Variants in SCAI observed in about 807,000 individuals in gnomAD.
SCAI encodes the protein suppressor of cancer cell invasion.
A neutral mutation model predicts 92.2 loss-of-function variants in SCAI; 24 were observed. The observed-to-expected ratio is 0.26, with a 90% CI of 0.19 to 0.37. The LOEUF (loss-of-function observed/expected upper bound fraction) is 0.37, where lower values mean the gene tolerates loss of function less well. Ranked by LOEUF, SCAI falls within the 10% of genes least tolerant of loss-of-function variation. The probability of loss-of-function intolerance (pLI) is 1.00; values close to 1 mark genes in which losing one functional copy is unlikely to be tolerated. For missense variants in SCAI, 450 were observed against 736.2 expected, an observed-to-expected ratio of 0.61 and a Z score of 4.50; for synonymous variants, 261 against 258.6, an observed-to-expected ratio of 1.01 and a Z score of -0.09.
chr9:124,972,772 T>G (rs1461579943), intron 15 of SCAI, among the ~76,000 whole-genome samples: 2 of 152,182 alleles, frequency 1.3e-5, no homozygotes, highest in African/African-American at 4.8e-5. Flanking sequence ...CTGCCTTCCC[T>G]CCCCACACCT....
At chr9:125,080,673 C>T (rs1336568065) in intron 2 of SCAI, among the ~76,000 whole-genome samples, 1 of 152,148 alleles carries the variant, frequency 6.6e-6, no homozygotes, top group Non-Finnish European at 1.5e-5. Context: ...ATATTATTTA[C>T]CCCTCATAAA....
At chr9:124,984,689 T>C (rs1831953412) in intron 14 of SCAI, among the ~76,000 whole-genome samples, 1 of 152,210 alleles carries the variant, frequency 6.6e-6, no homozygotes, top group South Asian at 2.1e-4. Context: ...GAATTCCGCC[T>C]TGGGCATGTT....
At chr9:124,969,582 T>C (rs1334491843) in intron 17 of SCAI, among the ~76,000 whole-genome samples, 3 of 152,164 alleles carry the variant, frequency 2.0e-5, no homozygotes, top group Non-Finnish European at 4.4e-5. Context: ...AAAACCACAA[T>C]GTCCTACCAC....
intron 6 of SCAI, among the ~76,000 whole-genome samples, chr9:125,025,345 T>C (rs1263282912): frequency 1.3e-5 from 2 of 152,250 alleles, no homozygotes; most frequent in Non-Finnish European, 2.9e-5. Context: ...AATTTGATGT[T>C]TGTTATTAAG....
At chr9:125,006,331 G>A (rs6478691) in intron 9 of SCAI, among the ~76,000 whole-genome samples, 28,311 of 152,044 alleles carry the variant, frequency 0.19, 3,051 homozygotes, top group Non-Finnish European at 0.23. Flanking sequence ...GCCAAGAGGC[G>A]GGGATTAAAG....
At chr9:125,102,512 T>A (rs1200607654) in intron 2 of SCAI, among the ~76,000 whole-genome samples, 1 of 152,052 alleles carries the variant, frequency 6.6e-6, no homozygotes, top group South Asian at 2.1e-4. Context: ...AACTTCACCA[T>A]CAGCTACTCC....
chr9:125,012,460 T>C (rs1832659308), intron 9 of SCAI, among the ~76,000 whole-genome samples: 1 of 152,036 alleles, frequency 6.6e-6, no homozygotes, highest in Admixed American at 6.6e-5. Flanking sequence ...GGTAAAGGGA[T>C]CGATTCAACA....
intron 6 of SCAI, 72 bp from the exon 7 acceptor site, chr9:125,020,841 T>C (rs1832857114): frequency 4.5e-6 from 3 of 659,364 alleles, no homozygotes; most frequent in Non-Finnish European, 7.7e-6. Context: ...AATTTTCTGA[T>C]AGCTTTTAAA....
At chr9:125,004,759 A>C (rs1207560589) in intron 9 of SCAI, among the ~76,000 whole-genome samples, 4 of 9,840 alleles carry the variant, frequency 4.1e-4, no homozygotes, top group Non-Finnish European at 8.3e-4. Flanking sequence ...ATATATATAT[A>C]TATATATATA....
In SCAI at chr9:125,088,295, C is replaced by T. The variant is rs190201386; in HGVS notation, c.99-32288G>A. 2.2e-3 allele frequency among the ~76,000 whole-genome samples: 339 copies of T among 152,230 alleles called. 3 individuals are homozygous for T. Among genetic ancestry groups the T allele is most frequent in the African/African-American group, 7.8e-3 (322 of 41,528 alleles). On this transcript the variant is annotated intron_variant, in intron 2 of 17. Transcript: ENST00000336505. ...TTGTGTCACCACCCAAATCTCATGT[C>T]GAATTGTAATCCCCAATGTTGGAGG... is the stretch of plus-strand genomic sequence containing the variant.
chr9:125,048,248 G>A (rs951679182), intron 3 of SCAI, among the ~76,000 whole-genome samples: 1 of 152,100 alleles, frequency 6.6e-6, no homozygotes, highest in Non-Finnish European at 1.5e-5. Flanking sequence ...AAAGTGCTGG[G>A]ATTACAGGCA....
At chr9:124,995,373 C>G (rs1441493561) in intron 13 of SCAI, among the ~76,000 whole-genome samples, 1 of 152,134 alleles carries the variant, frequency 6.6e-6, no homozygotes, top group Non-Finnish European at 1.5e-5. Context: ...GATGTAATAA[C>G]AAAACCAGAT....
Position 124,945,337 on chromosome 9 carries a change from C to T in SCAI, c.*7470G>A, listed in dbSNP as rs1315425209. ...TTGGGAGGCCGAGGCGGGTGGATCA[C>T]TTGAGGTCAGGAGTTCGAGACCAAC... On this transcript the variant is annotated 3_prime_UTR_variant, in exon 18 of 18. Coordinates refer to ENST00000336505, the MANE Select transcript of SCAI (RefSeq NM_001144877.3). 2.0e-5 allele frequency: 3 copies of T among 152,068 alleles called. No homozygotes were observed. Among genetic ancestry groups the T allele is most frequent in the South Asian group, 2.1e-4 (1 of 4,826 alleles). The allele number at this position is 152,068 out of a possible 1,614,324, so 9.4% of individuals were successfully genotyped here.
chr9:125,090,546 A>G (rs1167040418), intron 2 of SCAI, among the ~76,000 whole-genome samples: 1 of 152,162 alleles, frequency 6.6e-6, no homozygotes, highest in Admixed American at 6.5e-5. Context: ...CAACAGCCTA[A>G]TGGGCTAGTT....
At chr9:124,989,961 G>A (rs1239126063) in intron 14 of SCAI, among the ~76,000 whole-genome samples, 1 of 151,522 alleles carries the variant, frequency 6.6e-6, no homozygotes, top group African/African-American at 2.4e-5. Flanking sequence ...AATCATCTGA[G>A]CTCAGGAGTT....
intron 2 of SCAI, among the ~76,000 whole-genome samples, chr9:125,081,952 C>T (rs1045652903): frequency 3.3e-5 from 5 of 152,154 alleles, no homozygotes; most frequent in African/African-American, 9.7e-5. Context: ...AGGAGAAACC[C>T]ATTTTCCGGG....
At chr9:124,985,990 T>C (rs1831982900) in intron 14 of SCAI, among the ~76,000 whole-genome samples, 1 of 150,770 alleles carries the variant, frequency 6.6e-6, no homozygotes, top group Non-Finnish European at 1.5e-5. Context: ...AATAAGAAAC[T>C]ATAAAAAGGG....
At chr9:125,128,259 T>C (rs1017760987) in intron 2 of SCAI, among the ~76,000 whole-genome samples, 4 of 152,110 alleles carry the variant, frequency 2.6e-5, no homozygotes, top group African/African-American at 9.7e-5. Context: ...CAAGGTGCTG[T>C]AAGCTGTGAC....
chr9:125,035,288 G>A (rs372220874), intron 3 of SCAI, among the ~76,000 whole-genome samples: 3 of 151,970 alleles, frequency 2.0e-5, no homozygotes, highest in South Asian at 2.1e-4. Context: ...CCAGGAGGTC[G>A]GGACTGCAGT....
Sources: gnomAD v4.1 joint callset for allele counts (sites outside exome capture counted in the v4.1 genomes callset) on GRCh38, gnomAD v4.1.1 for gene constraint, MANE v1.5 for transcripts, NCBI Gene and HGNC (gene_info 2026-07-23, HGNC 2026-07-21) for gene names.